MSH6: variants seen among roughly 807,000 people sequenced by gnomAD.
MSH6 encodes the protein mutS homolog 6.
MSH6 carries 85 observed loss-of-function variants against 119.1 expected under a neutral mutation model. The ratio of observed to expected loss-of-function variants is 0.71; its 90% CI spans 0.60 to 0.85. The LOEUF is 0.85. Among genes scored for constraint, MSH6 ranks in the 40% least tolerant of loss-of-function variants. The probability of loss-of-function intolerance (pLI) is 0.00; values close to 1 mark genes in which losing one functional copy is unlikely to be tolerated. For missense variants in MSH6, 2,163 were observed against 1,655.3 expected, an observed-to-expected ratio of 1.31 and a Z score of -5.32; for synonymous variants, 830 against 586.9, an observed-to-expected ratio of 1.41 and a Z score of -5.99.
In MSH6 at chr2:47,795,881, C is replaced by G. The variant is rs1057522695; in HGVS notation, c.458-13C>G. ...ACCCGGCCCTTATTGTTTATAAATA[C>G]ATTTCTTTCTAGGTTCAAAATCAAA... On this transcript the variant is annotated splice_polypyrimidine_tract_variant and intron_variant, in intron 2 of 9. Transcript: ENST00000234420. 3 of 1,611,868 alleles carry G rather than the reference C, an allele frequency of 1.9e-6. No individual in the cohort carries two copies. Among genetic ancestry groups the G allele is most frequent in the African/African-American group, 2.7e-5 (2 of 74,808 alleles).
chr2:47,789,878 A>T (rs572206524), intron 1 of MSH6, among the ~76,000 whole-genome samples: 2 of 152,000 alleles, frequency 1.3e-5, no homozygotes, highest in South Asian at 4.2e-4. Flanking sequence ...GCTGGAGTAC[A>T]GTACAGTGAT....
At chr2:47,808,493 TTA>T (rs1315902568), downstream of MSH6, 1 of 1,145,232 alleles carries the variant, frequency 8.7e-7, no homozygotes, top group African/African-American at 1.5e-5. Context: ...TCCATTCTGT[TTA>T]TATATTACTA....
chr2:47,809,770 T>C, downstream of MSH6: 2 of 1,065,592 alleles, frequency 1.9e-6, no homozygotes, highest in Non-Finnish European at 2.9e-6. Context: ...AAACCTGAAA[T>C]TAGCAAGCAA....
downstream of MSH6, chr2:47,809,099 T>C (rs1395428763): frequency 1.2e-5 from 13 of 1,109,398 alleles, no homozygotes; most frequent in Non-Finnish European, 1.7e-5. Flanking sequence ...TAGGCATTGC[T>C]AATTTAAAAA....
chr2:47,794,089 C>T (rs1330863670), intron 2 of MSH6, among the ~76,000 whole-genome samples: 3 of 151,248 alleles, frequency 2.0e-5, no homozygotes, highest in Non-Finnish European at 4.4e-5. Flanking sequence ...GCCTGTAATC[C>T]CAGCACTTTG....
downstream of MSH6, chr2:47,808,932 A>G (rs115277608): frequency 1.8e-5 from 7 of 398,772 alleles, no homozygotes; most frequent in Non-Finnish European, 3.1e-5. Flanking sequence ...CCTGGGCTCC[A>G]GTGATCCTCC....
intron 1 of MSH6, among the ~76,000 whole-genome samples, chr2:47,787,677 G>A (rs1218824297): frequency 6.7e-6 from 1 of 150,198 alleles, no homozygotes; most frequent in African/African-American, 2.5e-5. Flanking sequence ...AAGTACAGTG[G>A]CAGATCTCGG....
intron 5 of MSH6, 109 bp from the exon 6 acceptor site, chr2:47,804,801 A>C: frequency 1.2e-6 from 1 of 830,304 alleles, no homozygotes; most frequent in Admixed American, 1.7e-5. Flanking sequence ...TGTGATTGTG[A>C]AAGTTGTTTT....
chr2:47,807,667 T>TAA (rs11314400), downstream of MSH6: 1 of 207,876 alleles, frequency 4.8e-6, no homozygotes, highest in Non-Finnish European at 9.7e-6. Flanking sequence ...GAATACATGT[T>TAA]AAAAAAAAAA....
rs370817805 is a variant in MSH6, at chr2:47,783,326, C to T, written c.93C>T (p.Gly31=). The change falls in exon 1 of 10, where the codon GGC becomes GGT. Residue 31 remains glycine (G), a synonymous_variant. Coordinates refer to ENST00000234420, the MANE Select transcript of MSH6 (RefSeq NM_000179.3). ...CCTCGGCCAGGGCCTCACGCGAAGG[C>T]GGCCGTGCCGCCGCTGCCCCCGGGG... The part of the protein sequence containing the change: ...NKASARASRE[G]GRAAAAPGAS... 6.2e-7 allele frequency: 1 copy of T among 1,610,048 alleles called. No individual in the cohort carries two copies. The highest frequency in any genetic ancestry group is 1.3e-5 in the African/African-American group (1 of 74,764).
At chr2:47,801,393 T>C (rs993206451) in intron 4 of MSH6, 12 of 368,254 alleles carry the variant, frequency 3.3e-5, no homozygotes, top group Non-Finnish European at 5.6e-5. Flanking sequence ...TTTTGAGACA[T>C]GGTCTTGCTC....
In MSH6 at chr2:47,800,417, C is replaced by T. The variant is rs876661054; in HGVS notation, c.2434C>T (p.Leu812=). 2.5e-6 allele frequency: 4 copies of T among 1,614,032 alleles called. No homozygotes were observed. Among genetic ancestry groups the T allele is most frequent in the Non-Finnish European group, 3.4e-6 (4 of 1,180,022 alleles). ...PDKISEVVEL[L]KKLPDLERLL... ...CAAAATCTCCGAAGTTGTAGAGCTT[C>T]TAAAGAAGCTTCCAGATCTTGAGAG... Residue 812 remains leucine, a synonymous_variant, in exon 4 of 10, where the codon CTA becomes TTA. Transcript: ENST00000234420.
rs1558394818 is a variant in MSH6, at chr2:47,806,656, C to CAGTTA, written c.4001+5_4001+6insAGTTA. On this transcript the variant is annotated splice_donor_region_variant and intron_variant, in intron 9 of 9. Transcript: ENST00000234420. ...TCAGTCACTACGATTATTTCGGTAA[C>CAGTTA]TAACTAACTATAATGGAATTATAAC... The CAGTTA allele has an allele frequency of 6.3e-7, 1 of 1,599,784 alleles. No homozygotes were observed. Among genetic ancestry groups the CAGTTA allele is most frequent in the Non-Finnish European group, 8.5e-7 (1 of 1,172,368 alleles).
intron 7 of MSH6, among the ~76,000 whole-genome samples, chr2:47,806,000 G>A (rs368976232): frequency 6.6e-6 from 1 of 152,114 alleles, no homozygotes; most frequent in Non-Finnish European, 1.5e-5. Flanking sequence ...GACCTTGAGC[G>A]ATACTGTATT....
rs138853055 is a variant in MSH6 at position 47,804,053 on chromosome 2, C to G, written c.3438+368C>G. ...TAAATTAGACTCATTTGCAGAAATG[C>G]AAATGAGGTAAGAAAGCAAATATAG... On this transcript the variant is annotated intron_variant, in intron 5 of 9. Coordinates refer to ENST00000234420, the MANE Select transcript of MSH6 (RefSeq NM_000179.3). 7.9e-5 allele frequency among the ~76,000 whole-genome samples: 12 copies of G among 152,180 alleles called. No individual in the cohort carries two copies. The East Asian group carries it at 2.3e-3, about 29-fold the overall frequency.
chr2:47,794,732 G>T (rs1181460396), intron 2 of MSH6, among the ~76,000 whole-genome samples: 1 of 152,044 alleles, frequency 6.6e-6, no homozygotes, highest in African/African-American at 2.4e-5. Flanking sequence ...GTTGTCTTTG[G>T]GACAAACTCA....
chr2:47,800,651 G>T lies in MSH6; in HGVS notation c.2668G>T (p.Val890Phe), dbSNP rs786202628. 9 of 1,614,060 alleles carry T rather than the reference G, an allele frequency of 5.6e-6. No individual in the cohort carries two copies. Among genetic ancestry groups the T allele is most frequent in the Admixed American group, 3.3e-5 (2 of 60,010 alleles). The change falls in exon 4 of 10, where the codon GTC becomes TTC. Residue 890 changes from valine to phenylalanine, a missense_variant. Coordinates refer to ENST00000234420, the MANE Select transcript of MSH6 (RefSeq NM_000179.3). Reference sequence around the variant, plus strand: ...TTTTAAGTCTAAAATCCTTAAGCAGGTCATCTCTCTGCAGACAAAAAATCC... The same window carrying T: ...TTTTAAGTCTAAAATCCTTAAGCAGTTCATCTCTCTGCAGACAAAAAATCC... ...DGFKSKILKQ[V>F]ISLQTKNPEG... is the part of the protein sequence containing the mutation.
At chr2:47,794,282 C>T (rs965769059) in intron 2 of MSH6, among the ~76,000 whole-genome samples, 5 of 151,472 alleles carry the variant, frequency 3.3e-5, no homozygotes, top group African/African-American at 9.7e-5. Flanking sequence ...TTTCTTTTTT[C>T]TTTTTTTGAG....
rs865931684 is a variant in MSH6 at position 47,800,366 on chromosome 2, A to G, written c.2383A>G (p.Ile795Val). ...HYAINDRLDA[I>V]EDLMVVPDKI... Reference sequence around the variant, plus strand: ...TGCTATTAATGATCGTCTAGATGCCATAGAAGACCTCATGGTTGTGCCTGA... The same window carrying G: ...TGCTATTAATGATCGTCTAGATGCCGTAGAAGACCTCATGGTTGTGCCTGA... Residue 795 changes from isoleucine to valine, a missense_variant, in exon 4 of 10, where the codon ATA becomes GTA. Transcript: ENST00000234420. 10 of 1,614,146 alleles carry G rather than the reference A, an allele frequency of 6.2e-6. No homozygotes were observed. Among genetic ancestry groups the G allele is most frequent in the Non-Finnish European group, 8.5e-6 (10 of 1,180,026 alleles).
Sources: gnomAD v4.1 joint callset for allele counts (sites outside exome capture counted in the v4.1 genomes callset) on GRCh38, gnomAD v4.1.1 for gene constraint, MANE v1.5 for transcripts, NCBI Gene and HGNC (gene_info 2026-07-23, HGNC 2026-07-21) for gene names.